The following STRN variants were observed in gnomAD, a reference collection of about 807,000 sequenced individuals.
STRN encodes striatin, also known as protein phosphatase 2 regulatory subunit B'''alpha.
In STRN, 53 loss-of-function variants were observed where a neutral mutation model predicts 96.3. That is an observed-to-expected ratio of 0.55 (90% CI 0.44 to 0.69). The LOEUF (loss-of-function observed/expected upper bound fraction) is 0.69. Among genes scored for constraint, STRN ranks in the 30% least tolerant of loss-of-function variants. STRN has a pLI of 0.00. For synonymous variants in STRN, 428 were observed against 355.9 expected, an observed-to-expected ratio of 1.20 and a Z score of -2.28; for missense variants, 987 against 963.9, an observed-to-expected ratio of 1.02 and a Z score of -0.32.
At chr2:36,958,414 A>G (rs1350498024) in intron 1 of STRN, among the ~76,000 whole-genome samples, 1 of 152,258 alleles carries the variant, frequency 6.6e-6, no homozygotes, top group Non-Finnish European at 1.5e-5. Flanking sequence ...TAAAGATGAC[A>G]CTGAAAATAC....
At chr2:36,924,298 G>A (rs1243570030) in intron 2 of STRN, among the ~76,000 whole-genome samples, 2 of 149,540 alleles carry the variant, frequency 1.3e-5, no homozygotes, top group African/African-American at 5.0e-5. Context: ...GGAGCTTGCA[G>A]TGAGCTGAGA....
At chr2:36,887,478 A>C (rs1056987534) in intron 7 of STRN, among the ~76,000 whole-genome samples, 4 of 151,716 alleles carry the variant, frequency 2.6e-5, no homozygotes, top group Non-Finnish European at 5.9e-5. Flanking sequence ...CTCAAAAAAA[A>C]ACAAAAAACA....
intron 3 of STRN, among the ~76,000 whole-genome samples, chr2:36,915,678 T>C (rs1670077983): frequency 6.6e-6 from 1 of 152,192 alleles, no homozygotes; most frequent in Non-Finnish European, 1.5e-5. Flanking sequence ...TCCTCCATGC[T>C]TTAAGAAGAA....
Position 36,877,017 on chromosome 2 carries a change from G to A in STRN, c.1323+874C>T, listed in dbSNP as rs564099789. ...CCCGCCTTGGCCTCCCAAAGTGCTG[G>A]GATTACAGGGATGAGCCACTGTGCC... On this transcript the variant is annotated intron_variant, in intron 10 of 17. Coordinates refer to ENST00000263918, the MANE Select transcript of STRN (RefSeq NM_003162.4). Among the ~76,000 whole-genome samples, 50 of 152,162 alleles carry A rather than the reference G, an allele frequency of 3.3e-4. 1 individual carries two copies. The South Asian group carries it at 8.7e-3, about 27-fold the overall frequency.
At chr2:36,897,443 A>AT (rs1472155419) in intron 6 of STRN, among the ~76,000 whole-genome samples, 3,387 of 149,692 alleles carry the variant, frequency 0.023, 125 homozygotes, top group African/African-American at 0.074. Flanking sequence ...AAATATATAT[A>AT]TATTTTTTTT....
At chr2:36,963,507 T>C (rs1032026979) in intron 1 of STRN, among the ~76,000 whole-genome samples, 12 of 152,212 alleles carry the variant, frequency 7.9e-5, no homozygotes, top group Non-Finnish European at 1.3e-4. Flanking sequence ...TAATTTTTTT[T>C]CCAATTACAC....
Position 36,861,197 on chromosome 2 carries a change from C to T in STRN, c.1604G>A (p.Gly535Asp), listed in dbSNP as rs772805006. The change falls in exon 13 of 18, where the codon GGT becomes GAT. Residue 535 changes from glycine (G) to aspartate (D), a missense_variant. Gly to Asp is a moderately conservative substitution (Grantham distance 94). Transcript: ENST00000263918. ...SSNGEQCYSG[G>D]TDGLIQGWNT... is the part of the protein sequence containing the mutation. ...CCAGCCCTGGATCAGTCCATCAGTA[C>T]CACCACTGTAACACTGCTCACCATT... is the stretch of plus-strand genomic sequence containing the variant. The T allele has an allele frequency of 1.2e-6, 2 of 1,613,966 alleles. No individual in the cohort carries two copies. Among genetic ancestry groups the T allele is most frequent in the African/African-American group, 1.3e-5 (1 of 74,924 alleles).
intron 10 of STRN, among the ~76,000 whole-genome samples, chr2:36,876,509 T>C (rs563206096): frequency 2.0e-5 from 3 of 151,644 alleles, no homozygotes; most frequent in African/African-American, 7.3e-5. Context: ...TGAAGAGGAG[T>C]GAGTGGTAAG....
rs77063437 is a variant in STRN, at chr2:36,906,463, CAATG to C, written c.413-849_413-846del. 5.4e-3 allele frequency among the ~76,000 whole-genome samples: 809 copies of C among 149,864 alleles called. 4 individuals are homozygous for C. The highest frequency in any genetic ancestry group is 0.038 in the Middle Eastern group (11 of 292). ...AACAGAGGGAGGCTCTGTCTCAAAA[CAATG>C]AATGAATGAATGAATGAATGAATGA... On this transcript the variant is annotated intron_variant, in intron 3 of 17. Coordinates refer to ENST00000263918, the MANE Select transcript of STRN (RefSeq NM_003162.4).
At chr2:36,926,804 A>G (rs1376392432) in intron 1 of STRN, among the ~76,000 whole-genome samples, 1 of 152,210 alleles carries the variant, frequency 6.6e-6, no homozygotes, top group African/African-American at 2.4e-5. Flanking sequence ...TCAAATAACC[A>G]CAAGACTCTT....
intron 12 of STRN, among the ~76,000 whole-genome samples, chr2:36,866,228 C>T (rs1281989282): frequency 1.3e-5 from 2 of 151,966 alleles, no homozygotes; most frequent in Non-Finnish European, 2.9e-5. Flanking sequence ...GAACACGTCA[C>T]CACTAGTGGC....
At chr2:36,949,315 G>A (rs553516739) in intron 1 of STRN, among the ~76,000 whole-genome samples, 1 of 152,078 alleles carries the variant, frequency 6.6e-6, no homozygotes, top group Admixed American at 6.6e-5. Context: ...ACATATCCCT[G>A]TTGTTAAGTA....
intron 3 of STRN, among the ~76,000 whole-genome samples, chr2:36,910,694 A>G (rs1669943017): frequency 6.6e-6 from 1 of 152,246 alleles, no homozygotes. Context: ...AACAGACTGA[A>G]CAAAATGAAT....
intron 1 of STRN, among the ~76,000 whole-genome samples, chr2:36,938,066 A>G (rs1222799925): frequency 2.0e-5 from 3 of 152,216 alleles, no homozygotes; most frequent in Admixed American, 6.5e-5. Flanking sequence ...AAGTATTTTG[A>G]GAGATTAATT....
intron 1 of STRN, among the ~76,000 whole-genome samples, chr2:36,941,328 G>C (rs929071094): frequency 6.6e-6 from 1 of 152,086 alleles, no homozygotes; most frequent in Non-Finnish European, 1.5e-5. Flanking sequence ...CTATGATCTG[G>C]TCATTGCGCC....
At chr2:36,853,414 C>A (rs1047095775) in intron 15 of STRN, among the ~76,000 whole-genome samples, 4 of 152,120 alleles carry the variant, frequency 2.6e-5, no homozygotes, top group Admixed American at 2.0e-4. Flanking sequence ...AGAGAATAGC[C>A]TCAATTGCTT....
chr2:36,965,271 A>T (rs142592827), intron 1 of STRN, among the ~76,000 whole-genome samples: 1 of 152,346 alleles, frequency 6.6e-6, no homozygotes, highest in South Asian at 2.1e-4. Context: ...ATAGTTCTTT[A>T]AGTTCCTTTT....
chr2:36,848,242 AAGAC>A lies in STRN; in HGVS notation c.*1210_*1213del, dbSNP rs1279006665. Reference sequence around the variant, plus strand: ...AATGGGGGAGGAATAGGGAGAGAGAAAGACAGAACTTTTTAGCCAATATTTGGCA... The same window carrying A: ...AATGGGGGAGGAATAGGGAGAGAGAAAGAACTTTTTAGCCAATATTTGGCA... On this transcript the variant is annotated 3_prime_UTR_variant, in exon 18 of 18. Transcript: ENST00000263918. 7 of 152,208 alleles carry A rather than the reference AAGAC, an allele frequency of 4.6e-5. No individual in the cohort carries two copies. The highest frequency in any genetic ancestry group is 1.7e-4 in the African/African-American group (7 of 41,452). The allele number at this position is 152,208 out of a possible 1,614,324, so 9.4% of individuals were successfully genotyped here.
rs1287223923 is a variant in STRN at position 36,847,481 on chromosome 2, C to T, written c.*1975G>A. 1 of 152,084 alleles carries T rather than the reference C, an allele frequency of 6.6e-6. No homozygotes were observed. Among genetic ancestry groups the T allele is most frequent in the Admixed American group, 6.6e-5 (1 of 15,248 alleles). 9.4% of individuals were successfully genotyped at this position (152,084 alleles called of 1,614,324 possible). ...ACTGTGAAGAACCAAAAGAAATTTA[C>T]TGAACACAATATGGAATTCTGTATC... On this transcript the variant is annotated 3_prime_UTR_variant, in exon 18 of 18. Coordinates refer to ENST00000263918, the MANE Select transcript of STRN (RefSeq NM_003162.4).
Sources: allele counts gnomAD v4.1 joint callset (sites outside exome capture counted in the v4.1 genomes callset), GRCh38; gene constraint gnomAD v4.1.1; transcripts MANE v1.5; gene names NCBI Gene and HGNC (gene_info 2026-07-23, HGNC 2026-07-21).